LRRC34: variants seen among roughly 807,000 people sequenced by gnomAD.
The protein encoded by LRRC34 is leucine rich repeat containing 34, also known as leucine-rich repeat-containing protein 34.
LRRC34 carries 44 observed loss-of-function variants against 48.5 expected under a neutral mutation model. The ratio of observed to expected loss-of-function variants is 0.91; its 90% CI spans 0.71 to 1.17. The LOEUF is 1.17. LRRC34 is among the 50% of genes most tolerant of loss of function. The pLI is 0.00. For synonymous variants in LRRC34, 192 were observed against 197.6 expected, an observed-to-expected ratio of 0.97 and a Z score of 0.24; for missense variants, 502 against 563.0, an observed-to-expected ratio of 0.89 and a Z score of 1.10.
At chr3:169,804,718 CAT>C (rs1424176090) in intron 5 of LRRC34, among the ~76,000 whole-genome samples, 2 of 152,146 alleles carry the variant, frequency 1.3e-5, no homozygotes, top group Non-Finnish European at 1.5e-5. Flanking sequence ...GTAAATAAAA[CAT>C]ATATTAATAA....
intron 8 of LRRC34, 44 bp from the exon 9 acceptor site, chr3:169,796,413 T>C (rs746024128): frequency 1.3e-6 from 2 of 1,568,998 alleles, no homozygotes; most frequent in East Asian, 2.3e-5. Flanking sequence ...TGAAATAGTG[T>C]TTTTATTCAT....
intron 10 of LRRC34, 77 bp downstream of exon 10, chr3:169,795,408 C>A: frequency 7.0e-7 from 1 of 1,432,476 alleles, no homozygotes; most frequent in South Asian, 1.5e-5. Context: ...ATTTCTGAGG[C>A]ACCTGTAAAT....
intron 7 of LRRC34, among the ~76,000 whole-genome samples, chr3:169,797,966 T>C (rs946054551): frequency 1.3e-5 from 2 of 152,248 alleles, no homozygotes; most frequent in African/African-American, 4.8e-5. Flanking sequence ...ACAAAGCATT[T>C]ATTATTGTTC....
chr3:169,793,879 TG>T, intron 10 of LRRC34, 41 bp from the exon 11 acceptor site: 1 of 1,415,440 alleles, frequency 7.1e-7, no homozygotes, highest in Non-Finnish European at 9.8e-7. Flanking sequence ...TAAGAAAAAA[TG>T]TATTCAATTT....
At chr3:169,803,982 A>G in intron 6 of LRRC34, 71 bp downstream of exon 6, 3 of 1,388,382 alleles carry the variant, frequency 2.2e-6, no homozygotes, top group Admixed American at 2.7e-5. Flanking sequence ...TTAATCATTC[A>G]TAAGACTCTG....
At chr3:169,806,451 G>A (rs1211019421) in intron 5 of LRRC34, among the ~76,000 whole-genome samples, 1 of 152,012 alleles carries the variant, frequency 6.6e-6, no homozygotes, top group Non-Finnish European at 1.5e-5. Context: ...GAGAGACGAA[G>A]TAGGTTAGTG....
At chr3:169,795,648 A>G in intron 9 of LRRC34, 37 bp from the exon 10 acceptor site, 2 of 1,592,472 alleles carry the variant, frequency 1.3e-6, no homozygotes, top group Non-Finnish European at 1.7e-6. Context: ...GAATACAAAA[A>G]TTAGCAACAT....
intron 1 of LRRC34, among the ~76,000 whole-genome samples, chr3:169,809,368 G>C (rs1455471893): frequency 6.6e-6 from 1 of 152,086 alleles, no homozygotes; most frequent in Non-Finnish European, 1.5e-5. Flanking sequence ...ACCATCCCAA[G>C]TTTGAATGTA....
intron 1 of LRRC34, among the ~76,000 whole-genome samples, chr3:169,808,998 T>G (rs1003766867): frequency 2.6e-5 from 4 of 152,180 alleles, no homozygotes; most frequent in Non-Finnish European, 5.9e-5. Flanking sequence ...CTGGCTCAAG[T>G]GAGCACCCTA....
chr3:169,807,448 T>G lies in LRRC34; in HGVS notation c.422A>C (p.Tyr141Ser). 1 of 1,613,974 alleles carries G rather than the reference T, an allele frequency of 6.2e-7. No individual in the cohort carries two copies. The highest frequency in any genetic ancestry group is 8.5e-7 in the Non-Finnish European group (1 of 1,179,940). The change falls in exon 4 of 11, where the codon TAC becomes TCC. Residue 141 changes from tyrosine (Y) to serine (S), a missense_variant. Physicochemically the swap from Tyr to Ser is moderately radical, Grantham distance 144. Transcript: ENST00000446859. ...TACCTGAAGCAGTTTCGCAGCATAG[T>G]ATGCACCAACATCACATAGAAGGTT... ...GYNLLCDVGA[Y>S]YAAKLLQKQL...
chr3:169,799,627 AG>A (rs1779119422), intron 7 of LRRC34, among the ~76,000 whole-genome samples: 2 of 152,208 alleles, frequency 1.3e-5, no homozygotes, highest in Admixed American at 6.5e-5. Context: ...ACCGCACTCC[AG>A]CCTGGGTGAC....
At position 169,812,583 on chromosome 3, in the gene LRRC34, C is replaced by T. The variant is rs1457120618; in HGVS notation, c.-35G>A. ...GCGCGCACTTACAGTCCGCCTGCAG[C>T]TGTGAGGCGGCTACACGAGCCTCGG... is the stretch of plus-strand genomic sequence containing the variant. On this transcript the variant is annotated 5_prime_UTR_variant, in exon 1 of 11. Transcript: ENST00000446859. The surrounding 1 kb of genome is among the most constrained non-coding windows in gnomAD (Gnocchi z 4.3). The T allele has an allele frequency of 6.9e-7, 1 of 1,439,062 alleles. No homozygotes were observed. The highest frequency in any genetic ancestry group is 9.1e-7 in the Non-Finnish European group (1 of 1,103,486). The allele number at this position is 1,439,062 out of a possible 1,614,324, so 89.1% of individuals were successfully genotyped here.
At position 169,812,532 on chromosome 3, in the gene LRRC34, G is replaced by C; in HGVS notation, c.17C>G (p.Pro6Arg). 1.3e-6 allele frequency: 2 copies of C among 1,505,212 alleles called. No individual in the cohort carries two copies. The highest frequency in any genetic ancestry group is 8.8e-7 in the Non-Finnish European group (1 of 1,134,786). 93.2% of individuals were successfully genotyped at this position (1,505,212 alleles called of 1,614,324 possible). MAAQP[P>R]RPVGERSMGS... ...CATGCTCCTCTCACCCACTGGCCGC[G>C]GCGGCTGCGCTGCCATGGCGACCGC... The change falls in exon 1 of 11, where the codon CCG becomes CGG. Residue 6 changes from proline to arginine, a missense_variant. By Grantham distance (103) the Pro-to-Arg change is moderately radical (BLOSUM62 -2). Coordinates refer to ENST00000446859, the MANE Select transcript of LRRC34 (RefSeq NM_001172779.2). This position sits in a 1 kb window ranked among gnomAD's most constrained non-coding sequence, Gnocchi z 4.3.
At chr3:169,802,705 G>A (rs2108234812) in intron 6 of LRRC34, among the ~76,000 whole-genome samples, 1 of 152,240 alleles carries the variant, frequency 6.6e-6, no homozygotes, top group Non-Finnish European at 1.5e-5. Context: ...AGGCGCTGTG[G>A]CTCACTCCTG....
chr3:169,795,960 G>T, intron 9 of LRRC34: 1 of 1,191,318 alleles, frequency 8.4e-7, no homozygotes, highest in Non-Finnish European at 1.0e-6. Context: ...TTTTCTATTA[G>T]AATTCAGGAT....
rs750278395 is a variant in LRRC34 at position 169,793,718 on chromosome 3, A to C, written c.1312T>G (p.Tyr438Asp). 2 of 1,613,792 alleles carry C rather than the reference A, an allele frequency of 1.2e-6. No individual in the cohort carries two copies. The highest frequency in any genetic ancestry group is 1.7e-6 in the Non-Finnish European group (2 of 1,179,802). Residue 438 changes from tyrosine to aspartate, a missense_variant, in exon 11 of 11, where the codon TAT becomes GAT. By Grantham distance (160) the Tyr-to-Asp change is radical (BLOSUM62 -3). Transcript: ENST00000446859. ...GATTCTCCATAAGTTGATGTCCAAT[A>C]ATAATGCTTTTTAAGGCCATTGGAG... ...EVSNGLKKHY[Y>D]WTSTYGESYD... is the part of the protein sequence containing the mutation.
chr3:169,805,502 A>C (rs1560601169), intron 5 of LRRC34, among the ~76,000 whole-genome samples: 1 of 152,220 alleles, frequency 6.6e-6, no homozygotes, highest in South Asian at 2.1e-4. Context: ...GCCTTAAATA[A>C]ATGAAACATC....
chr3:169,795,721 TA>T, intron 9 of LRRC34, 110 bp from the exon 10 acceptor site: 1 of 1,396,442 alleles, frequency 7.2e-7, no homozygotes. Flanking sequence ...AATGTAGTGG[TA>T]AAAATACTGA....
chr3:169,809,411 G>C (rs1779488079), intron 1 of LRRC34, among the ~76,000 whole-genome samples: 1 of 152,008 alleles, frequency 6.6e-6, no homozygotes, highest in African/African-American at 2.4e-5. Flanking sequence ...TCGAGGCCTG[G>C]CTCACAGAAG....
Sources: gnomAD v4.1 joint callset for allele counts (sites outside exome capture counted in the v4.1 genomes callset) on GRCh38, gnomAD v4.1.1 for gene constraint, Gnocchi (gnomAD v3.1) non-coding constraint, MANE v1.5 for transcripts, NCBI Gene and HGNC (gene_info 2026-07-23, HGNC 2026-07-21) for gene names.